The following NKAIN2 variants were observed in gnomAD, a reference collection of about 807,000 sequenced individuals.
NKAIN2 encodes the protein sodium/potassium-transporting ATPase subunit beta-1-interacting protein 2.
NKAIN2 carries 14 observed loss-of-function variants against 32.6 expected under a neutral mutation model. The observed-to-expected ratio is 0.43, with a 90% confidence interval of 0.28 to 0.67. The LOEUF (loss-of-function observed/expected upper bound fraction) is 0.67. Ranked by LOEUF, NKAIN2 falls within the 30% of genes least tolerant of loss-of-function variation. The probability of loss-of-function intolerance (pLI) is 0.17; values close to 1 mark genes in which losing one functional copy is unlikely to be tolerated. For missense variants in NKAIN2, 198 were observed against 258.3 expected (o/e 0.77, Z 1.60); for synonymous variants, 80 against 87.2 (o/e 0.92, Z 0.46).
At chr6:124,116,824 T>TG (rs1785640078) in intron 1 of NKAIN2, among the ~76,000 whole-genome samples, 1 of 151,934 alleles carries the variant, frequency 6.6e-6, no homozygotes, top group African/African-American at 2.4e-5. Context: ...GTAAAGGAAG[T>TG]GGTAAAGATC....
chr6:124,345,407 T>C (rs1173616103), intron 2 of NKAIN2, among the ~76,000 whole-genome samples: 1 of 152,156 alleles, frequency 6.6e-6, no homozygotes, highest in East Asian at 1.9e-4. Flanking sequence ...CAGAAGGAAT[T>C]AGTACGAGTT....
intron 3 of NKAIN2, among the ~76,000 whole-genome samples, chr6:124,380,445 T>C (rs947054603): frequency 1.3e-5 from 2 of 152,216 alleles, no homozygotes; most frequent in African/African-American, 4.8e-5. Flanking sequence ...ATAATGTGTG[T>C]CATTTCTGGG....
intron 4 of NKAIN2, among the ~76,000 whole-genome samples, chr6:124,763,701 G>GA (rs1283787333): frequency 1.3e-5 from 2 of 152,126 alleles, no homozygotes; most frequent in Non-Finnish European, 2.9e-5. Context: ...TTCTCGACAT[G>GA]AAAAATAAGT....
chr6:123,804,110 C>T lies in NKAIN2; in HGVS notation c.-91C>T. ...AGCCCCCGAGCCCTCGGCAGGTTTG[C>T]GTGTCCTTCCCCGCGATCTGATTGG... is the stretch of plus-strand genomic sequence containing the variant. On this transcript the variant is annotated 5_prime_UTR_variant, in exon 1 of 7. Transcript: ENST00000368417. The T allele has an allele frequency of 1.6e-6, 2 of 1,220,082 alleles. No individual in the cohort carries two copies. The highest frequency in any genetic ancestry group is 2.4e-6 in the Non-Finnish European group (2 of 821,964). 75.6% of individuals were successfully genotyped at this position (1,220,082 alleles called of 1,614,324 possible).
intron 1 of NKAIN2, among the ~76,000 whole-genome samples, chr6:123,932,736 G>T (rs930350915): frequency 2.0e-5 from 3 of 148,334 alleles, no homozygotes; most frequent in Non-Finnish European, 4.5e-5. Flanking sequence ...TGATAGCATT[G>T]TTAGCCAGTC....
chr6:123,863,384 A>T lies in NKAIN2; in HGVS notation c.54+59130A>T, dbSNP rs561099067. Among the ~76,000 whole-genome samples, 3 of 152,296 alleles carry T rather than the reference A, an allele frequency of 2.0e-5. No individual in the cohort carries two copies. The East Asian group carries it at 5.8e-4, about 29-fold the overall frequency. On this transcript the variant is annotated intron_variant, in intron 1 of 6. Coordinates refer to ENST00000368417, the MANE Select transcript of NKAIN2 (RefSeq NM_001040214.3). Reference sequence around the variant, plus strand: ...CCTATTCCCCTCACTCTTCATTGTTACTTCCAAATGAAGTTTTATGTTTTA... The same window carrying T: ...CCTATTCCCCTCACTCTTCATTGTTTCTTCCAAATGAAGTTTTATGTTTTA...
At chr6:123,812,061 C>G (rs984741391) in intron 1 of NKAIN2, among the ~76,000 whole-genome samples, 3 of 152,116 alleles carry the variant, frequency 2.0e-5, no homozygotes, top group Non-Finnish European at 4.4e-5. Flanking sequence ...CCCCCACCCT[C>G]AAGGGTCACA....
chr6:124,354,268 A>G (rs1240259406), intron 2 of NKAIN2, among the ~76,000 whole-genome samples: 1 of 152,144 alleles, frequency 6.6e-6, no homozygotes, highest in Non-Finnish European at 1.5e-5. Context: ...ATTTTTAAAA[A>G]GTCACTCTCA....
At chr6:123,957,306 CTCT>C (rs1330992596) in intron 1 of NKAIN2, among the ~76,000 whole-genome samples, 1 of 152,150 alleles carries the variant, frequency 6.6e-6, no homozygotes, top group Non-Finnish European at 1.5e-5. Flanking sequence ...GAATCACCAC[CTCT>C]TCTTTATCTT....
chr6:124,023,382 G>GT (rs889527861), intron 1 of NKAIN2, among the ~76,000 whole-genome samples: 55 of 151,840 alleles, frequency 3.6e-4, no homozygotes, highest in African/African-American at 1.3e-3. Context: ...CTCCCACTTT[G>GT]TTTTCATACA....
intron 3 of NKAIN2, among the ~76,000 whole-genome samples, chr6:124,430,799 C>T (rs1775185280): frequency 6.6e-6 from 1 of 152,094 alleles, no homozygotes; most frequent in Admixed American, 6.6e-5. Context: ...ACATATACTC[C>T]ACCTCTCAAT....
At chr6:124,351,917 G>C (rs1024688531) in intron 2 of NKAIN2, among the ~76,000 whole-genome samples, 1 of 152,024 alleles carries the variant, frequency 6.6e-6, no homozygotes, top group African/African-American at 2.4e-5. Context: ...CACCGCGCCC[G>C]ACCCTACTGC....
Position 124,734,988 on chromosome 6 carries a change from A to G in NKAIN2, c.475-56351A>G, listed in dbSNP as rs141936820. Among the ~76,000 whole-genome samples the G allele has an allele frequency of 1.4e-4, 21 of 152,062 alleles. No homozygotes were observed. In the East Asian group the frequency reaches 3.7e-3, roughly 27 times the overall value. On this transcript the variant is annotated intron_variant, in intron 4 of 6. Transcript: ENST00000368417. ...TTCTTCTTGCCTTCTCTACTGCTCT[A>G]GAAAGGTTAAATGTCATCAACATTA...
intron 1 of NKAIN2, among the ~76,000 whole-genome samples, chr6:124,144,752 C>A (rs1787310864): frequency 6.6e-6 from 1 of 151,810 alleles, no homozygotes; most frequent in Non-Finnish European, 1.5e-5. Context: ...GCACTAAAAG[C>A]ATAATCTATG....
intron 4 of NKAIN2, among the ~76,000 whole-genome samples, chr6:124,687,873 G>C (rs1328800950): frequency 6.7e-6 from 1 of 150,370 alleles, no homozygotes; most frequent in African/African-American, 2.4e-5. Flanking sequence ...GAGGAATCAT[G>C]GGGGCCCTCC....
At chr6:124,379,156 AGGGGAGG>A (rs1800133363) in intron 3 of NKAIN2, among the ~76,000 whole-genome samples, 1 of 34,202 alleles carries the variant, frequency 2.9e-5, no homozygotes, top group African/African-American at 1.1e-4. Context: ...GGAGGGAGGG[AGGGGAGG>A]GGAGGGAGGG....
intron 3 of NKAIN2, among the ~76,000 whole-genome samples, chr6:124,361,136 A>G (rs552082908): frequency 2.0e-5 from 3 of 152,268 alleles, no homozygotes; most frequent in African/African-American, 7.2e-5. Context: ...TAGCAGTAGG[A>G]AAGAAAACAT....
chr6:123,918,495 C>A (rs1775598776), intron 1 of NKAIN2, among the ~76,000 whole-genome samples: 1 of 152,272 alleles, frequency 6.6e-6, no homozygotes, highest in East Asian at 1.9e-4. Flanking sequence ...CAGAAATGCC[C>A]TTTTCATCAA....
chr6:124,312,679 T>C (rs1044696297), intron 2 of NKAIN2, among the ~76,000 whole-genome samples: 1 of 152,144 alleles, frequency 6.6e-6, no homozygotes, highest in Non-Finnish European at 1.5e-5. Flanking sequence ...CGGTCTTTTA[T>C]GGAGACTTCA....
Sources: gnomAD v4.1 joint callset for allele counts (sites outside exome capture counted in the v4.1 genomes callset) on GRCh38, gnomAD v4.1.1 for gene constraint, MANE v1.5 for transcripts, NCBI Gene and HGNC (gene_info 2026-07-23, HGNC 2026-07-21) for gene names.